DACT1: variants seen among roughly 807,000 people sequenced by gnomAD.
DACT1 encodes the protein dishevelled binding antagonist of beta catenin 1.
In DACT1, 19 loss-of-function variants were observed where a neutral mutation model predicts 35.3. The ratio of observed to expected loss-of-function variants is 0.54; its 90% CI spans 0.38 to 0.79. The LOEUF (loss-of-function observed/expected upper bound fraction) is 0.79, where lower values mean the gene tolerates loss of function less well. Ranked by LOEUF, DACT1 falls within the 30% of genes least tolerant of loss-of-function variation. DACT1 has a pLI of 0.00. For synonymous variants in DACT1, 545 were observed against 466.7 expected, an observed-to-expected ratio of 1.17 and a Z score of -2.16; for missense variants, 1,143 against 1,057.5, an observed-to-expected ratio of 1.08 and a Z score of -1.12.
chr14:58,645,391 T>G lies in DACT1; in HGVS notation c.657T>G (p.Cys219Trp). The G allele has an allele frequency of 1.2e-6, 2 of 1,614,098 alleles. No individual in the cohort carries two copies. The highest frequency in any genetic ancestry group is 1.7e-6 in the Non-Finnish European group (2 of 1,179,928). Residue 219 changes from cysteine (C) to tryptophan (W), a missense_variant, in exon 4 of 4, where the codon TGT becomes TGG. Physicochemically the swap from Cys to Trp is radical, Grantham distance 215. Around this residue, in one of 3 missense-constraint regions of DACT1, gnomAD observed 1,054 missense variants for 958.8 expected, o/e 1.10. Transcript: ENST00000395153. ...CAGATGTGAATCCCAAGTACCAGTG[T>G]GATCTGGTGTCTAAAAACGGGAATG... is the stretch of plus-strand genomic sequence containing the variant. ...KSADVNPKYQ[C>W]DLVSKNGNDV...
intron 3 of DACT1, among the ~76,000 whole-genome samples, chr14:58,643,638 T>A (rs1018756121): frequency 7.9e-5 from 12 of 152,218 alleles, no homozygotes; most frequent in Non-Finnish European, 1.6e-4. Flanking sequence ...TGGTTTAGGT[T>A]TTCCTTCAAG....
rs1428593728 is a variant in DACT1 at position 58,646,808 on chromosome 14, G to C, written c.2074G>C (p.Glu692Gln). 6.2e-7 allele frequency: 1 copy of C among 1,614,052 alleles called. No homozygotes were observed. Among genetic ancestry groups the C allele is most frequent in the Non-Finnish European group, 8.5e-7 (1 of 1,180,030 alleles). Residue 692 changes from glutamate (E) to glutamine (Q), a missense_variant, in exon 4 of 4, where the codon GAG becomes CAG. Physicochemically the swap from Glu to Gln is conservative, Grantham distance 29. Transcript: ENST00000395153. ...GGCTAGCGACTCCGAGTACTCGGCC[G>C]AGTGCGAGTCCCTGTTCCACTCCAC... is the stretch of plus-strand genomic sequence containing the variant. ...YVASDSEYSA[E>Q]CESLFHSTVV...
Position 58,647,177 on chromosome 14 carries a change from C to A in DACT1, c.*43C>A. ...GAAAGTTTGTGTGTTTTTTTTTCTT[C>A]TCCCTAGTTGCCAAAATTAAAAAGG... On this transcript the variant is annotated 3_prime_UTR_variant, in exon 4 of 4. Coordinates refer to ENST00000395153, the MANE Select transcript of DACT1 (RefSeq NM_001079520.2). The A allele has an allele frequency of 6.3e-7, 1 of 1,583,990 alleles. No individual in the cohort carries two copies. The highest frequency in any genetic ancestry group is 8.5e-7 in the Non-Finnish European group (1 of 1,171,034).
chr14:58,637,427 T>C (rs937068566), upstream of DACT1, among the ~76,000 whole-genome samples: 8 of 152,248 alleles, frequency 5.3e-5, no homozygotes, highest in African/African-American at 1.9e-4. Flanking sequence ...AAAGTGGAGT[T>C]AAGGAACCAA....
At chr14:58,640,607 A>T in intron 1 of DACT1, 129 bp from the exon 2 acceptor site, 1 of 1,052,972 alleles carries the variant, frequency 9.5e-7, no homozygotes, top group Non-Finnish European at 1.4e-6. Context: ...ACTTCAGGTC[A>T]TCCAGTAAAA....
chr14:58,646,474 C>T lies in DACT1; in HGVS notation c.1740C>T (p.Asp580=). The change falls in exon 4 of 4, where the codon GAC becomes GAT. Residue 580 remains aspartate, a synonymous_variant. Coordinates refer to ENST00000395153, the MANE Select transcript of DACT1 (RefSeq NM_001079520.2). ...GCAAGAAGTGTCGCTTCCCAGATGA[C>T]TTGGATACAAATAAGAAACTCAAGA... ...AGSKKCRFPD[D]LDTNKKLKKA... The T allele has an allele frequency of 6.4e-7, 1 of 1,571,214 alleles. No homozygotes were observed.
Position 58,646,654 on chromosome 14 carries a change from G to C in DACT1, c.1920G>C (p.Arg640=). 1.2e-6 allele frequency: 2 copies of C among 1,611,830 alleles called. No homozygotes were observed. The highest frequency in any genetic ancestry group is 1.3e-5 in the African/African-American group (1 of 75,038). ...AKPKHKRTDY[R]RWKSSAEISY... is the part of the protein sequence containing the mutation. The stretch of plus-strand genomic sequence containing the variant: ...CTAAGCACAAGCGAACTGACTACCG[G>C]CGGTGGAAGTCCTCGGCCGAGATTT... The change falls in exon 4 of 4, where the codon CGG becomes CGC. Residue 640 remains arginine (R), a synonymous_variant. Transcript: ENST00000395153.
rs1468918099 is a variant in DACT1 at position 58,646,569 on chromosome 14, G to A, written c.1835G>A (p.Gly612Glu). ...EAGVPGRPAGGGHRAGSRAHG... is the reference protein window; with the variant it reads ...EAGVPGRPAGEGHRAGSRAHG... Reference sequence around the variant, plus strand: ...GGTGTTCCCGGCAGGCCCGCGGGCGGGGGCCACAGGGCGGGGAGCAGGGCG... The same window carrying A: ...GGTGTTCCCGGCAGGCCCGCGGGCGAGGGCCACAGGGCGGGGAGCAGGGCG... The change falls in exon 4 of 4, where the codon GGG (glycine) becomes GAG (glutamate). Residue 612 changes from glycine (G) to glutamate (E), a missense_variant. Gly to Glu is a moderately conservative substitution (Grantham distance 98). Around this residue, in one of 3 missense-constraint regions of DACT1, gnomAD observed 1,054 missense variants for 958.8 expected, o/e 1.10. Coordinates refer to ENST00000395153, the MANE Select transcript of DACT1 (RefSeq NM_001079520.2). 1 of 1,565,708 alleles carries A rather than the reference G, an allele frequency of 6.4e-7. No homozygotes were observed. The highest frequency in any genetic ancestry group is 8.6e-7 in the Non-Finnish European group (1 of 1,157,124).
chr14:58,638,326 C>T lies in DACT1; in HGVS notation c.124C>T (p.Gln42Ter). 1 of 1,321,472 alleles carries T rather than the reference C, an allele frequency of 7.6e-7. No individual in the cohort carries two copies. The highest frequency in any genetic ancestry group is 2.1e-5 in the South Asian group (1 of 47,542). The allele number at this position is 1,321,472 out of a possible 1,614,324, so 81.9% of individuals were successfully genotyped here. The change falls in exon 1 of 4, where the codon CAG becomes TAG. Residue 42 changes from glutamine (Q) to a stop codon, truncating the protein, a stop_gained. Coordinates refer to ENST00000395153, the MANE Select transcript of DACT1 (RefSeq NM_001079520.2). LOFTEE classifies it high-confidence loss of function. Reference protein sequence around the residue: ...REKGEADTERQRTRERQEATL... With the variant: ...REKGEADTER ...GAAGGGCGAGGCAGACACCGAGCGGCAGCGCACCCGGGAGCGGCAGGAGGC... is the reference window on the plus strand; with the variant it reads ...GAAGGGCGAGGCAGACACCGAGCGGTAGCGCACCCGGGAGCGGCAGGAGGC...
chr14:58,644,368 ATTCT>A (rs2047653882), intron 3 of DACT1, among the ~76,000 whole-genome samples: 1 of 152,216 alleles, frequency 6.6e-6, no homozygotes, highest in South Asian at 2.1e-4. Context: ...CTTATCAAGA[ATTCT>A]TTATCATATT....
intron 3 of DACT1, 21 bp downstream of exon 3, chr14:58,641,768 T>C (rs768733057): frequency 2.5e-6 from 4 of 1,609,982 alleles, no homozygotes; most frequent in South Asian, 2.2e-5. Context: ...TTAGCACTGA[T>C]AGAAATTTTT....
At chr14:58,640,682 T>G in intron 1 of DACT1, 54 bp from the exon 2 acceptor site, 1 of 1,604,284 alleles carries the variant, frequency 6.2e-7, no homozygotes, top group Non-Finnish European at 8.5e-7. Context: ...GTAGACTTTC[T>G]GGTTCTTTTG....
rs1399400534 is a variant in DACT1, at chr14:58,646,535, C to T, written c.1801C>T (p.Pro601Ser). ...CAAGGGGAGGAAGAGTGGGGGCGGG[C>T]CCGAGGCTGGTGTTCCCGGCAGGCC... ...SSKGRKSGGG[P>S]EAGVPGRPAG... Residue 601 changes from proline to serine, a missense_variant, in exon 4 of 4, where the codon CCC (proline) becomes TCC (serine). Around this residue, in one of 3 missense-constraint regions of DACT1, gnomAD observed 1,054 missense variants for 958.8 expected, o/e 1.10. Transcript: ENST00000395153. The T allele has an allele frequency of 6.4e-7, 1 of 1,556,004 alleles. No homozygotes were observed. The highest frequency in any genetic ancestry group is 8.7e-7 in the Non-Finnish European group (1 of 1,153,562).
chr14:58,645,120 A>G, intron 3 of DACT1: 3 of 700,546 alleles, frequency 4.3e-6, no homozygotes, highest in Non-Finnish European at 7.2e-6. Flanking sequence ...CAGTACCTAC[A>G]TGTGAAATGG....
Position 58,641,725 on chromosome 14 carries a change from A to C in DACT1, c.612A>C (p.Ser204=). Residue 204 remains serine (S), a synonymous_variant, in exon 3 of 4, where the codon TCA becomes TCC. Coordinates refer to ENST00000395153, the MANE Select transcript of DACT1 (RefSeq NM_001079520.2). The part of the protein sequence containing the change: ...CSPLEATLSL[S]DGCPKSADVN... ...CCTTGGAGGCGACCTTGAGTCTCTCAGATGGTTGCCCCAAATCTGCAGGTA... is the reference window on the plus strand; with the variant it reads ...CCTTGGAGGCGACCTTGAGTCTCTCCGATGGTTGCCCCAAATCTGCAGGTA... The C allele has an allele frequency of 6.2e-7, 1 of 1,613,992 alleles. No individual in the cohort carries two copies. The highest frequency in any genetic ancestry group is 8.5e-7 in the Non-Finnish European group (1 of 1,179,998).
At chr14:58,634,114 C>A (rs901981961), upstream of DACT1, 1 of 152,202 alleles carries the variant, frequency 6.6e-6, no homozygotes, top group African/African-American at 2.4e-5. Context: ...AAACTTACCA[C>A]CAAACTTCAT....
intron 3 of DACT1, among the ~76,000 whole-genome samples, chr14:58,642,370 C>A (rs933195805): frequency 1.3e-5 from 2 of 152,032 alleles, no homozygotes; most frequent in African/African-American, 2.4e-5. Context: ...GCCTATAGTC[C>A]CAGCTACTCG....
chr14:58,638,619 C>G (rs1168042095), intron 1 of DACT1, 72 bp downstream of exon 1: 1 of 1,269,396 alleles, frequency 7.9e-7, no homozygotes, highest in East Asian at 3.0e-5. Context: ...TGGCCTGGGG[C>G]GGGCGCGAGG....
At chr14:58,643,114 G>A (rs184561459) in intron 3 of DACT1, among the ~76,000 whole-genome samples, 1 of 152,358 alleles carries the variant, frequency 6.6e-6, no homozygotes, top group African/African-American at 2.4e-5. Flanking sequence ...CAGAAGTTAA[G>A]CTCAGGCCTA....
Sources: gnomAD v4.1 joint callset for allele counts (sites outside exome capture counted in the v4.1 genomes callset) on GRCh38, gnomAD v4.1.1 for gene constraint, gnomAD v4.1.1 regional missense constraint, MANE v1.5 for transcripts, NCBI Gene and HGNC (gene_info 2026-07-23, HGNC 2026-07-21) for gene names.